RYR1: variants seen among roughly 807,000 people sequenced by gnomAD.
The protein encoded by RYR1 is ryanodine receptor 1, also known as central core disease of muscle.
In RYR1, 342 loss-of-function variants were observed where a neutral mutation model predicts 583.5. The observed-to-expected ratio is 0.59, with a 90% CI of 0.54 to 0.64. The LOEUF is 0.64. RYR1 is among the 30% of genes least tolerant of loss of function. The pLI is 0.00. For missense variants in RYR1, 6,032 were observed against 6,917.2 expected, an observed-to-expected ratio of 0.87 and a Z score of 4.54; for synonymous variants, 2,791 against 2,822.5, an observed-to-expected ratio of 0.99 and a Z score of 0.35.
intron 11 of RYR1, among the ~76,000 whole-genome samples, chr19:38,450,184 A>G (rs556665958): frequency 6.6e-6 from 1 of 152,314 alleles, no homozygotes; most frequent in African/African-American, 2.4e-5. Context: ...ACCAGAGAAG[A>G]GACTGCCATG....
At chr19:38,474,564 CTTTTTTTTTTTTTTTT>C (rs970000046) in intron 28 of RYR1, among the ~76,000 whole-genome samples, 3 of 88,208 alleles carry the variant, frequency 3.4e-5, no homozygotes, top group African/African-American at 1.5e-4. Flanking sequence ...CGCCCGGCTC[CTTTTTTTTTTTTTTTT>C]TTTTTTTTTT....
intron 42 of RYR1, among the ~76,000 whole-genome samples, chr19:38,497,927 G>A (rs2163822): frequency 0.29 from 44,745 of 151,744 alleles, 7,200 homozygotes; most frequent in South Asian, 0.44. Context: ...GTGAGCTATG[G>A]TCACACCACT....
intron 90 of RYR1, among the ~76,000 whole-genome samples, chr19:38,562,248 C>T (rs1361210559): frequency 6.6e-6 from 1 of 152,104 alleles, no homozygotes; most frequent in Non-Finnish European, 1.5e-5. Flanking sequence ...CCTATCTCAG[C>T]TCCTCCTATG....
Position 38,485,817 on chromosome 19 carries a change from G to C in RYR1, c.5162G>C (p.Ser1721Thr). 1.9e-6 allele frequency: 3 copies of C among 1,613,406 alleles called. No individual in the cohort carries two copies. The highest frequency in any genetic ancestry group is 2.5e-6 in the Non-Finnish European group (3 of 1,179,986). ...CTCCTCATCAGCATCCACCTCGAAAGTGCCTGCCGCAGCCGCCGCTCCATG... is the reference window on the plus strand; with the variant it reads ...CTCCTCATCAGCATCCACCTCGAAACTGCCTGCCGCAGCCGCCGCTCCATG... Reference protein sequence around the residue: ...YDLLISIHLESACRSRRSMLS... With the variant: ...YDLLISIHLETACRSRRSMLS... The change falls in exon 34 of 106, where the codon AGT (serine) becomes ACT (threonine). Residue 1721 changes from serine (S) to threonine (T), a missense_variant. Around this residue, in one of 11 missense-constraint regions of RYR1, gnomAD observed 2,627 missense variants for 2,961.3 expected, o/e 0.89. Transcript: ENST00000359596.
chr19:38,565,401 G>T lies in RYR1; in HGVS notation c.13067G>T (p.Gly4356Val). ...GCGGGGGCGGCGGCGGGCGCGCTGG[G>T]CCTGCTCTGGGGCTCGCTGTTCGGC... The part of the protein sequence containing the change: ...AGAGAAAGAL[G>V]LLWGSLFGGG... Residue 4356 changes from glycine (G) to valine (V), a missense_variant, in exon 91 of 106, where the codon GGC becomes GTC. Physicochemically the swap from Gly to Val is moderately radical, Grantham distance 109 (BLOSUM62 -3). Coordinates refer to ENST00000359596, the MANE Select transcript of RYR1 (RefSeq NM_000540.3). The surrounding 1 kb of genome is among the most constrained non-coding windows in gnomAD (Gnocchi z 4.7). 2 of 1,453,926 alleles carry T rather than the reference G, an allele frequency of 1.4e-6. No individual in the cohort carries two copies. The highest frequency in any genetic ancestry group is 1.8e-6 in the Non-Finnish European group (2 of 1,107,430). 90.1% of individuals were successfully genotyped at this position (1,453,926 alleles called of 1,614,324 possible). A position where few individuals can be genotyped will look rare whatever the true frequency, so the allele number is the denominator to read the frequency against.
At chr19:38,535,844 G>A in intron 81 of RYR1, 153 bp from the exon 82 acceptor site, 1 of 749,620 alleles carries the variant, frequency 1.3e-6, no homozygotes. Flanking sequence ...CCTAGCTTCT[G>A]CCAACTCTTC....
intron 16 of RYR1, among the ~76,000 whole-genome samples, chr19:38,456,421 A>G (rs1354841871): frequency 2.7e-5 from 4 of 150,756 alleles, no homozygotes; most frequent in Non-Finnish European, 5.9e-5. Flanking sequence ...AGCTGGGATT[A>G]CAGGTGCCCG....
chr19:38,494,312 C>A, intron 38 of RYR1, 40 bp from the exon 39 acceptor site: 1 of 1,610,540 alleles, frequency 6.2e-7, no homozygotes, highest in Non-Finnish European at 8.5e-7. Context: ...GCCGACCTGC[C>A]CTGCATGGTG....
At chr19:38,526,245 C>A (rs1337743324) in intron 71 of RYR1, among the ~76,000 whole-genome samples, 1 of 151,834 alleles carries the variant, frequency 6.6e-6, no homozygotes, top group Non-Finnish European at 1.5e-5. Context: ...TTGTGTGGGA[C>A]AACAAGGACA....
At position 38,443,584 on chromosome 19, in the gene RYR1, G is replaced by A. The variant is rs144241486; in HGVS notation, c.297G>A (p.Thr99=). 3.0e-4 allele frequency: 490 copies of A among 1,614,098 alleles called. 3 individuals are homozygous for A. The African/African-American group carries it at 6.1e-3, about 20-fold the overall frequency. ...CATCCCAGGGCGGGGGACACAGGAC[G>A]CTCCTGTATGGCCATGCCATCCTGC... ...VESSQGGGHR[T]LLYGHAILLR... is the part of the protein sequence containing the mutation. The change falls in exon 4 of 106, where the codon ACG becomes ACA. Residue 99 remains threonine, a synonymous_variant. Coordinates refer to ENST00000359596, the MANE Select transcript of RYR1 (RefSeq NM_000540.3).
chr19:38,527,852 A>G, intron 73 of RYR1, 68 bp downstream of exon 73: 1 of 1,565,922 alleles, frequency 6.4e-7, no homozygotes, highest in East Asian at 2.3e-5. Flanking sequence ...AGGGGCTTCA[A>G]GGATGTGGGT....
chr19:38,458,796 T>G (rs1050301013), intron 18 of RYR1, among the ~76,000 whole-genome samples: 3 of 152,154 alleles, frequency 2.0e-5, no homozygotes, highest in African/African-American at 7.2e-5. Flanking sequence ...GGCTCATTTT[T>G]GTATTTTTAG....
intron 101 of RYR1, among the ~76,000 whole-genome samples, 192 bp downstream of exon 101, chr19:38,580,696 A>G (rs1974163826): frequency 6.6e-6 from 1 of 152,068 alleles, no homozygotes; most frequent in African/African-American, 2.4e-5. Flanking sequence ...TCCTGTCTCT[A>G]TAAAAAAAAA....
At chr19:38,508,364 G>A (rs116943667) in intron 58 of RYR1, among the ~76,000 whole-genome samples, 13 of 151,928 alleles carry the variant, frequency 8.6e-5, no homozygotes, top group Middle Eastern at 3.4e-3. Context: ...CACGGGCGCC[G>A]CCACACCCAG....
chr19:38,544,713 C>T (rs1211202525), intron 87 of RYR1, among the ~76,000 whole-genome samples: 1 of 151,924 alleles, frequency 6.6e-6, no homozygotes, highest in East Asian at 1.9e-4. Flanking sequence ...ACTTAGAATG[C>T]AATTCCTCCG....
At chr19:38,563,968 AAATG>A (rs1261097174) in intron 90 of RYR1, among the ~76,000 whole-genome samples, 2 of 152,256 alleles carry the variant, frequency 1.3e-5, no homozygotes, top group Non-Finnish European at 2.9e-5. Context: ...TGTGAGGATT[AAATG>A]AGTTTTATGG....
Position 38,577,941 on chromosome 19 carries a change from C to T in RYR1, c.14196C>T (p.Ile4732=). ...KRKVLDKHGD[I]YGRERIAELL... ...AGGTCCTGGACAAACATGGGGACAT[C>T]TACGGGCGGGAGCGGATTGCTGAGC... Residue 4732 remains isoleucine (I), a synonymous_variant, in exon 98 of 106, where the codon ATC becomes ATT. Transcript: ENST00000359596. The T allele has an allele frequency of 6.2e-7, 1 of 1,614,142 alleles. No homozygotes were observed. The highest frequency in any genetic ancestry group is 1.7e-5 in the Admixed American group (1 of 60,004).
At chr19:38,584,797 T>A in intron 101 of RYR1, 146 bp from the exon 102 acceptor site, 1 of 908,966 alleles carries the variant, frequency 1.1e-6, no homozygotes, top group East Asian at 2.7e-5. Flanking sequence ...GGTCCCTGTC[T>A]GATGCCGTAT....
chr19:38,446,158 C>G (rs1194844012), intron 7 of RYR1, among the ~76,000 whole-genome samples: 1 of 152,088 alleles, frequency 6.6e-6, no homozygotes, highest in Admixed American at 6.6e-5. Context: ...TCACCACACA[C>G]ACACTCTGAC....
Sources: gnomAD v4.1 joint callset for allele counts (sites outside exome capture counted in the v4.1 genomes callset) on GRCh38, gnomAD v4.1.1 for gene constraint, gnomAD v4.1.1 regional missense constraint, Gnocchi (gnomAD v3.1) non-coding constraint, MANE v1.5 for transcripts, NCBI Gene and HGNC (gene_info 2026-07-23, HGNC 2026-07-21) for gene names.